The following EXD3 variants were observed in gnomAD, a reference collection of about 807,000 sequenced individuals.
The protein encoded by EXD3 is exonuclease mut-7 homolog.
In EXD3, 92 loss-of-function variants were observed where a neutral mutation model predicts 98.0. The ratio of observed to expected loss-of-function variants is 0.94; its 90% confidence interval spans 0.79 to 1.12. The LOEUF is 1.12. Among genes scored for constraint, EXD3 ranks in the 50% most tolerant of loss-of-function variants. The probability of loss-of-function intolerance (pLI) is 0.00; values close to 1 mark genes in which losing one functional copy is unlikely to be tolerated. For synonymous variants in EXD3, 569 were observed against 526.0 expected, an observed-to-expected ratio of 1.08 and a Z score of -1.12; for missense variants, 1,222 against 1,191.6, an observed-to-expected ratio of 1.03 and a Z score of -0.38.
intron 17 of EXD3, among the ~76,000 whole-genome samples, chr9:137,342,692 G>C (rs1235225943): frequency 6.6e-6 from 1 of 152,214 alleles, no homozygotes; most frequent in Non-Finnish European, 1.5e-5. Context: ...ATCAGTCAGG[G>C]AACTGTTTCC....
Position 137,383,303 on chromosome 9 carries a change from G to A in EXD3, c.120+10C>T, listed in dbSNP as rs775554584. ...TGACTTGGCACGTGGTGGCTGCCAC[G>A]TCCACTCACCTGCTTCCGCTCCCGC... On this transcript the variant is annotated intron_variant, in intron 3 of 21. Coordinates refer to ENST00000340951, the MANE Select transcript of EXD3 (RefSeq NM_017820.5). The A allele has an allele frequency of 2.6e-5, 40 of 1,548,338 alleles. No individual in the cohort carries two copies. The highest frequency in any genetic ancestry group is 2.7e-5 in the African/African-American group (2 of 72,992).
chr9:137,340,070 C>A (rs898083438), intron 17 of EXD3, among the ~76,000 whole-genome samples: 11 of 152,142 alleles, frequency 7.2e-5, no homozygotes, highest in African/African-American at 2.7e-4. Flanking sequence ...CAACCACAGT[C>A]CATGTATCAG....
At chr9:137,329,583 G>A (rs1222509557) in intron 17 of EXD3, among the ~76,000 whole-genome samples, 2 of 23,930 alleles carry the variant, frequency 8.4e-5, no homozygotes, top group Admixed American at 3.7e-4. Flanking sequence ...GGGGCTACAC[G>A]GGACTACACG....
intron 3 of EXD3, among the ~76,000 whole-genome samples, chr9:137,382,499 G>A (rs913571092): frequency 1.3e-5 from 2 of 152,168 alleles, no homozygotes; most frequent in African/African-American, 2.4e-5. Context: ...CCTGGAAATG[G>A]AACGGCAGAG....
intron 2 of EXD3, chr9:137,392,465 C>A (rs1038117766): frequency 2.3e-5 from 4 of 172,726 alleles, no homozygotes; most frequent in Non-Finnish European, 5.0e-5. Flanking sequence ...GGTGTCCAGG[C>A]AGCGAGGCGG....
intron 1 of EXD3, among the ~76,000 whole-genome samples, chr9:137,404,160 G>A (rs950539284): frequency 3.9e-5 from 6 of 152,172 alleles, no homozygotes; most frequent in African/African-American, 1.2e-4. Flanking sequence ...CCACCCCAAC[G>A]ACCTCATTTT....
chr9:137,327,506 G>A (rs1832494420), intron 17 of EXD3, among the ~76,000 whole-genome samples: 1 of 152,190 alleles, frequency 6.6e-6, no homozygotes, highest in South Asian at 2.1e-4. Context: ...CAGTGAATGT[G>A]CTAATGCCAC....
Position 137,347,993 on chromosome 9 carries a change from T to A in EXD3, c.1998+78A>T. ...CATGGATGAGCTGGAGGGAGGAGTT[T>A]GATGCTAGGGGTGGGCACACCTGTG... is the stretch of plus-strand genomic sequence containing the variant. On this transcript the variant is annotated intron_variant, in intron 17 of 21. Coordinates refer to ENST00000340951, the MANE Select transcript of EXD3 (RefSeq NM_017820.5). This position sits in a 1 kb window ranked among gnomAD's most constrained non-coding sequence, Gnocchi z 4.2. 6.8e-7 allele frequency: 1 copy of A among 1,461,682 alleles called. No individual in the cohort carries two copies. The highest frequency in any genetic ancestry group is 9.2e-7 in the Non-Finnish European group (1 of 1,089,876). The allele number at this position is 1,461,682 out of a possible 1,614,324, so 90.5% of individuals were successfully genotyped here.
intron 19 of EXD3, among the ~76,000 whole-genome samples, chr9:137,311,531 TGCGCACGCCTGG>T (rs1831361185): frequency 6.6e-6 from 1 of 152,216 alleles, no homozygotes; most frequent in Non-Finnish European, 1.5e-5. Flanking sequence ...CTGGGCCAGG[TGCGCACGCCTGG>T]GCGGGGCCAG....
rs552109763 is a variant in EXD3, at chr9:137,333,291, G to A, written c.1999-9148C>T. Among the ~76,000 whole-genome samples the A allele has an allele frequency of 1.3e-4, 20 of 152,290 alleles. No individual in the cohort carries two copies. In the East Asian group the frequency reaches 2.1e-3, roughly 16 times the overall value. On this transcript the variant is annotated intron_variant, in intron 17 of 21. Coordinates refer to ENST00000340951, the MANE Select transcript of EXD3 (RefSeq NM_017820.5). The stretch of plus-strand genomic sequence containing the variant: ...GCTTTTGAGGTTTTGGGACTCAGAC[G>A]GATCCACCACTGGCTTCCTGGCTCC...
intron 5 of EXD3, among the ~76,000 whole-genome samples, chr9:137,370,024 G>T (rs1212273098): frequency 6.6e-6 from 1 of 152,172 alleles, no homozygotes; most frequent in African/African-American, 2.4e-5. Context: ...TGGCCTCGCA[G>T]CTTGGGGGAC....
chr9:137,352,574 C>A, intron 11 of EXD3, 46 bp downstream of exon 11: 1 of 1,486,124 alleles, frequency 6.7e-7, no homozygotes, highest in Non-Finnish European at 9.0e-7. Context: ...AGGGGCCACC[C>A]TGGGCGGAAC....
At chr9:137,327,266 T>G (rs1383182856) in intron 17 of EXD3, among the ~76,000 whole-genome samples, 1 of 151,966 alleles carries the variant, frequency 6.6e-6, no homozygotes, top group Non-Finnish European at 1.5e-5. Flanking sequence ...CCTGAGTAGC[T>G]GGGACTATAG....
At chr9:137,354,923 T>C in intron 8 of EXD3, 150 bp from the exon 9 acceptor site, 1 of 764,734 alleles carries the variant, frequency 1.3e-6, no homozygotes, top group Non-Finnish European at 2.1e-6. Context: ...CCTCACCACC[T>C]GGGCCTCTGC....
At chr9:137,321,909 C>A (rs137858539) in intron 19 of EXD3, among the ~76,000 whole-genome samples, 40 of 152,262 alleles carry the variant, frequency 2.6e-4, no homozygotes, top group Admixed American at 4.6e-4. Context: ...AGCATCAACT[C>A]CCCCCAGACT....
At position 137,342,967 on chromosome 9, in the gene EXD3, A is replaced by C. The variant is rs139139780; in HGVS notation, c.1998+5104T>G. 3.6e-3 allele frequency among the ~76,000 whole-genome samples: 552 copies of C among 152,300 alleles called. 4 individuals carry two copies. Among genetic ancestry groups the C allele is most frequent in the African/African-American group, 0.012 (510 of 41,558 alleles). On this transcript the variant is annotated intron_variant, in intron 17 of 21. Transcript: ENST00000340951. ...AAACCCCGTCTCTACTAAAAATATAAAAATTAGCCGGGCGTGGTGGTGGGT... is the reference window on the plus strand; with the variant it reads ...AAACCCCGTCTCTACTAAAAATATACAAATTAGCCGGGCGTGGTGGTGGGT...
rs552162169 is a variant in EXD3, at chr9:137,371,485, G to C, written c.462+1420C>G. Among the ~76,000 whole-genome samples, 125 of 152,272 alleles carry C rather than the reference G, an allele frequency of 8.2e-4. No individual in the cohort carries two copies. Among genetic ancestry groups the C allele is most frequent in the Non-Finnish European group, 1.6e-3 (109 of 67,990 alleles). On this transcript the variant is annotated intron_variant, in intron 5 of 21. Transcript: ENST00000340951. This position sits in a 1 kb window ranked among gnomAD's most constrained non-coding sequence, Gnocchi z 8.0. ...GCACCTCCTCACGGTGAGGGGTCTT[G>C]CTGGGAAGAGGAACCCAGGGTGCCA... is the stretch of plus-strand genomic sequence containing the variant.
intron 19 of EXD3, 76 bp from the exon 20 acceptor site, chr9:137,309,776 C>T: frequency 1.8e-6 from 2 of 1,123,038 alleles, no homozygotes; most frequent in Non-Finnish European, 2.6e-6. Context: ...CTGCTCGCTC[C>T]TCGAAGCTCT....
At chr9:137,355,294 C>T (rs550135023) in intron 8 of EXD3, among the ~76,000 whole-genome samples, 53 of 152,234 alleles carry the variant, frequency 3.5e-4, no homozygotes, top group African/African-American at 9.9e-4. Context: ...CCCCAGGGTG[C>T]GGCAGCCAGT....
Sources: gnomAD v4.1 joint callset for allele counts (sites outside exome capture counted in the v4.1 genomes callset) on GRCh38, gnomAD v4.1.1 for gene constraint, Gnocchi (gnomAD v3.1) non-coding constraint, MANE v1.5 for transcripts, NCBI Gene and HGNC (gene_info 2026-07-23, HGNC 2026-07-21) for gene names.